IGDCC3: variants seen among roughly 807,000 people sequenced by gnomAD.
IGDCC3 encodes immunoglobulin superfamily DCC subclass member 3.
IGDCC3 carries 47 observed loss-of-function variants against 72.0 expected under a neutral mutation model. The observed-to-expected ratio is 0.65, with a 90% CI of 0.52 to 0.83. IGDCC3 has a LOEUF of 0.83. Ranked by LOEUF, IGDCC3 falls within the 40% of genes least tolerant of loss-of-function variation. The pLI, the probability that IGDCC3 is intolerant of heterozygous loss-of-function variation, is 0.00. For synonymous variants in IGDCC3, 477 were observed against 472.8 expected, an observed-to-expected ratio of 1.01 and a Z score of -0.11; for missense variants, 1,038 against 1,091.3, an observed-to-expected ratio of 0.95 and a Z score of 0.69.
At chr15:65,371,386 C>T (rs997819280) in intron 2 of IGDCC3, among the ~76,000 whole-genome samples, 9 of 152,186 alleles carry the variant, frequency 5.9e-5, no homozygotes, top group African/African-American at 1.4e-4. Context: ...GGGGTTCAGA[C>T]CCATGGAAGT....
chr15:65,363,643 C>A (rs1293043620), intron 2 of IGDCC3, among the ~76,000 whole-genome samples: 1 of 150,378 alleles, frequency 6.6e-6, no homozygotes, highest in Non-Finnish European at 1.5e-5. Context: ...CTTCTCCCTG[C>A]TGCCCACCCC....
chr15:65,354,568 G>C (rs1450589078), intron 2 of IGDCC3, among the ~76,000 whole-genome samples: 4 of 152,070 alleles, frequency 2.6e-5, no homozygotes, highest in Non-Finnish European at 1.5e-5. Flanking sequence ...CCTACCCATC[G>C]AAGACCTATG....
chr15:65,372,888 T>A (rs979106130), intron 2 of IGDCC3, among the ~76,000 whole-genome samples: 4 of 152,140 alleles, frequency 2.6e-5, no homozygotes, highest in African/African-American at 9.7e-5. Flanking sequence ...CACCGTTGCT[T>A]GGCATCTGAG....
At chr15:65,358,512 A>G (rs1013346834) in intron 2 of IGDCC3, among the ~76,000 whole-genome samples, 20 of 152,212 alleles carry the variant, frequency 1.3e-4, no homozygotes, top group African/African-American at 4.3e-4. Flanking sequence ...ATCTCTATAC[A>G]TATGCCTTTG....
At chr15:65,350,091 A>G (rs1451115174) in intron 2 of IGDCC3, among the ~76,000 whole-genome samples, 1 of 152,214 alleles carries the variant, frequency 6.6e-6, no homozygotes, top group African/African-American at 2.4e-5. Flanking sequence ...TGGCATGGCT[A>G]AAGTTGGGTA....
At position 65,377,771 on chromosome 15, in the gene IGDCC3, G is replaced by A. The variant is rs1270857226; in HGVS notation, c.18C>T (p.Ala6=). Residue 6 remains alanine (A), a synonymous_variant, in exon 1 of 14, where the codon GCC becomes GCT. Transcript: ENST00000327987. The surrounding 1 kb of genome is among the most constrained non-coding windows in gnomAD (Gnocchi z 4.9). ...GGGCGGGCGGGCGGCGCGGAGACGCGGCGCGCTGCACAGCCATGGGGCTCT... is the reference window on the plus strand; with the variant it reads ...GGGCGGGCGGGCGGCGCGGAGACGCAGCGCGCTGCACAGCCATGGGGCTCT... MAVQR[A]ASPRRPPAPL... 4 of 1,298,778 alleles carry A rather than the reference G, an allele frequency of 3.1e-6. No individual in the cohort carries two copies. The highest frequency in any genetic ancestry group is 6.5e-5 in the East Asian group (2 of 30,866). The allele number at this position is 1,298,778 out of a possible 1,614,324, so 80.5% of individuals were successfully genotyped here.
chr15:65,375,042 G>A, intron 2 of IGDCC3, 55 bp downstream of exon 2: 1 of 1,518,486 alleles, frequency 6.6e-7, no homozygotes, highest in East Asian at 2.3e-5. Context: ...GCCCTAGGCT[G>A]ACCCTGGATC....
Position 65,329,702 on chromosome 15 carries a change from C to T in IGDCC3, c.1997+24G>A, listed in dbSNP as rs1207761330. The T allele has an allele frequency of 6.2e-7, 1 of 1,613,766 alleles. No individual in the cohort carries two copies. Among genetic ancestry groups the T allele is most frequent in the African/African-American group, 1.3e-5 (1 of 74,918 alleles). ...CTAGTCCCCCACACACCAGCCCAGCCCCTCTCCCTGGCCCAGGACCCACCT... is the reference window on the plus strand; with the variant it reads ...CTAGTCCCCCACACACCAGCCCAGCTCCTCTCCCTGGCCCAGGACCCACCT... On this transcript the variant is annotated intron_variant, in intron 12 of 13. Coordinates refer to ENST00000327987, the MANE Select transcript of IGDCC3 (RefSeq NM_004884.4). This position sits in a 1 kb window ranked among gnomAD's most constrained non-coding sequence, Gnocchi z 4.1.
chr15:65,368,521 G>A (rs561132880), intron 2 of IGDCC3, among the ~76,000 whole-genome samples: 20 of 152,284 alleles, frequency 1.3e-4, no homozygotes, highest in African/African-American at 2.4e-4. Context: ...CAAGTTCTGC[G>A]GGTGGGGGTG....
intron 2 of IGDCC3, among the ~76,000 whole-genome samples, chr15:65,363,216 G>A (rs1477431414): frequency 6.6e-6 from 1 of 152,166 alleles, no homozygotes; most frequent in African/African-American, 2.4e-5. Flanking sequence ...GCCCACAGGT[G>A]GAAAGGGGTT....
chr15:65,355,099 C>A (rs1215770576), intron 2 of IGDCC3, among the ~76,000 whole-genome samples: 1 of 152,204 alleles, frequency 6.6e-6, no homozygotes, highest in Non-Finnish European at 1.5e-5. Context: ...CTGCTCCGGG[C>A]AGCCTGACTC....
At position 65,352,591 on chromosome 15, in the gene IGDCC3, A is replaced by G. The variant is rs545105192; in HGVS notation, c.410-16635T>C. The stretch of plus-strand genomic sequence containing the variant: ...GCCCCAAGTTATCTTGGGACCTCAA[A>G]AAGAGAGGAATTTACCCAATTCATA... On this transcript the variant is annotated intron_variant, in intron 2 of 13. Coordinates refer to ENST00000327987, the MANE Select transcript of IGDCC3 (RefSeq NM_004884.4). Among the ~76,000 whole-genome samples, 3 of 152,298 alleles carry G rather than the reference A, an allele frequency of 2.0e-5. No homozygotes were observed. In the South Asian group the frequency reaches 6.2e-4, roughly 32 times the overall value.
intron 2 of IGDCC3, among the ~76,000 whole-genome samples, chr15:65,367,662 T>G (rs1312711021): frequency 6.6e-6 from 1 of 152,098 alleles, no homozygotes; most frequent in Non-Finnish European, 1.5e-5. Context: ...GTCCCAGGGC[T>G]TGCCCCACTC....
rs545140470 is a variant in IGDCC3, at chr15:65,342,847, GTGTT to G, written c.410-6895_410-6892del. On this transcript the variant is annotated intron_variant, in intron 2 of 13. Coordinates refer to ENST00000327987, the MANE Select transcript of IGDCC3 (RefSeq NM_004884.4). ...ACTTGCTAAAACTTTGTTTGCTTTT[GTGTT>G]TGTTTGTTTTTTTTTGTTTGTTTTT... Among the ~76,000 whole-genome samples the G allele has an allele frequency of 3.2e-3, 489 of 152,218 alleles. 2 individuals carry two copies. The highest frequency in any genetic ancestry group is 0.01 in the African/African-American group (429 of 41,520).
At chr15:65,371,904 G>C (rs180964858) in intron 2 of IGDCC3, among the ~76,000 whole-genome samples, 47 of 152,318 alleles carry the variant, frequency 3.1e-4, no homozygotes, top group Middle Eastern at 3.4e-3. Flanking sequence ...CACACCCTGA[G>C]GCTTGGGAGA....
intron 2 of IGDCC3, among the ~76,000 whole-genome samples, chr15:65,370,614 G>GTATATA (rs1241361752): frequency 1.9e-5 from 1 of 51,720 alleles, no homozygotes; most frequent in African/African-American, 7.3e-5. Flanking sequence ...GTATATATAT[G>GTATATA]TATGTGTATA....
chr15:65,332,806 GGGA>G (rs1567061011), intron 6 of IGDCC3, among the ~76,000 whole-genome samples: 16 of 152,236 alleles, frequency 1.1e-4, no homozygotes, highest in African/African-American at 3.4e-4. Flanking sequence ...CCCACGGGAG[GGGA>G]GGCAGCTCTG....
At chr15:65,337,710 C>G (rs2091043845) in intron 2 of IGDCC3, among the ~76,000 whole-genome samples, 1 of 152,138 alleles carries the variant, frequency 6.6e-6, no homozygotes. Context: ...CCTCCACCTC[C>G]AGGAAGGCAA....
intron 2 of IGDCC3, among the ~76,000 whole-genome samples, chr15:65,353,780 A>G (rs1390930688): frequency 6.6e-6 from 1 of 151,764 alleles, no homozygotes; most frequent in Non-Finnish European, 1.5e-5. Flanking sequence ...GTTACCCTAT[A>G]TAGCCTAAAG....
Sources: allele counts gnomAD v4.1 joint callset (sites outside exome capture counted in the v4.1 genomes callset), GRCh38; gene constraint gnomAD v4.1.1; non-coding constraint Gnocchi (gnomAD v3.1); transcripts MANE v1.5; gene names NCBI Gene and HGNC (gene_info 2026-07-23, HGNC 2026-07-21).